The following MCTP1 variants were observed in gnomAD, a reference collection of about 807,000 sequenced individuals.
MCTP1 encodes multiple C2 and transmembrane domain-containing protein 1.
MCTP1 carries 69 observed loss-of-function variants against 120.6 expected under a neutral mutation model. That is an observed-to-expected ratio of 0.57 (90% CI 0.47 to 0.70). The LOEUF (loss-of-function observed/expected upper bound fraction) is 0.70, where lower values mean the gene tolerates loss of function less well. Among genes scored for constraint, MCTP1 ranks in the 30% least tolerant of loss-of-function variants. MCTP1 has a pLI of 0.00. For synonymous variants in MCTP1, 529 were observed against 493.1 expected (o/e 1.07, Z -0.96); for missense variants, 1,203 against 1,248.8 (o/e 0.96, Z 0.55).
intron 1 of MCTP1, among the ~76,000 whole-genome samples, chr5:95,059,752 AG>A (rs1445617391): frequency 1.8e-4 from 28 of 152,286 alleles, no homozygotes; most frequent in Admixed American, 5.2e-4. Context: ...GAAAATGTGC[AG>A]GGTGGTGACA....
At chr5:95,223,512 C>G (rs1048629249) in intron 1 of MCTP1, among the ~76,000 whole-genome samples, 1 of 152,058 alleles carries the variant, frequency 6.6e-6, no homozygotes, top group Non-Finnish European at 1.5e-5. Flanking sequence ...TCACACCCCT[C>G]TTTAAGGGGG....
rs112569958 is a variant in MCTP1, at chr5:94,929,378, C to A, written c.1212+2575G>T. 4.2e-3 allele frequency among the ~76,000 whole-genome samples: 633 copies of A among 152,108 alleles called. 2 individuals carry two copies. The highest frequency in any genetic ancestry group is 0.014 in the African/African-American group (598 of 41,492). ...AGACCTCATTCTGTAAATCAAGATT[C>A]CAAAGAAGAAAATGATCTGTGTTTT... On this transcript the variant is annotated intron_variant, in intron 6 of 22. Coordinates refer to ENST00000515393, the MANE Select transcript of MCTP1 (RefSeq NM_024717.7).
At chr5:95,133,132 A>T (rs1562169358) in intron 1 of MCTP1, among the ~76,000 whole-genome samples, 1 of 152,216 alleles carries the variant, frequency 6.6e-6, no homozygotes, top group Non-Finnish European at 1.5e-5. Flanking sequence ...TAAGCTTTTT[A>T]TGGGAGACAA....
chr5:95,040,091 T>A (rs901861251), intron 1 of MCTP1, among the ~76,000 whole-genome samples: 18 of 152,218 alleles, frequency 1.2e-4, no homozygotes, highest in Middle Eastern at 3.4e-3. Flanking sequence ...ATACAATTCA[T>A]CTTGGCATGT....
intron 2 of MCTP1, among the ~76,000 whole-genome samples, chr5:94,973,707 T>C (rs1246625855): frequency 6.6e-6 from 1 of 152,130 alleles, no homozygotes; most frequent in East Asian, 1.9e-4. Context: ...CAAATAAAAT[T>C]GCTTAATGGT....
intron 17 of MCTP1, among the ~76,000 whole-genome samples, chr5:94,839,739 T>C (rs575430175): frequency 5.3e-5 from 8 of 152,184 alleles, no homozygotes; most frequent in Middle Eastern, 6.3e-3. Flanking sequence ...GAAGCCTGGC[T>C]CTGGCACTTC....
At chr5:95,105,419 A>C (rs1392524011) in intron 1 of MCTP1, among the ~76,000 whole-genome samples, 1 of 152,000 alleles carries the variant, frequency 6.6e-6, no homozygotes, top group Admixed American at 6.6e-5. Context: ...ATTATTAGGG[A>C]CTCATTTATC....
At chr5:95,049,079 T>C (rs939373354) in intron 1 of MCTP1, among the ~76,000 whole-genome samples, 1 of 152,262 alleles carries the variant, frequency 6.6e-6, no homozygotes, top group Admixed American at 6.5e-5. Flanking sequence ...CTACTTTATT[T>C]AATGGCGTCA....
intron 17 of MCTP1, among the ~76,000 whole-genome samples, chr5:94,846,796 C>T (rs1792477952): frequency 1.4e-5 from 2 of 147,474 alleles, no homozygotes; most frequent in Admixed American, 1.4e-4. Context: ...TGTCTCCGTA[C>T]ATGTGTGTCT....
At chr5:95,246,626 T>C (rs1283431536) in intron 1 of MCTP1, among the ~76,000 whole-genome samples, 1 of 152,156 alleles carries the variant, frequency 6.6e-6, no homozygotes, top group African/African-American at 2.4e-5. Flanking sequence ...CCTAAATATA[T>C]ATGCACCCAA....
intron 1 of MCTP1, among the ~76,000 whole-genome samples, chr5:95,257,444 A>T (rs464242): frequency 0.85 from 129,619 of 152,198 alleles, 55,371 homozygotes; most frequent in African/African-American, 0.92. Context: ...AACTATTTTT[A>T]AAAAATCCCA....
chr5:95,050,448 G>A (rs575257333), intron 1 of MCTP1, among the ~76,000 whole-genome samples: 3 of 152,242 alleles, frequency 2.0e-5, no homozygotes, highest in Admixed American at 6.5e-5. Context: ...TGGGGCTGTG[G>A]GGATGAGAGT....
chr5:95,110,755 C>A (rs1008063030), intron 1 of MCTP1, among the ~76,000 whole-genome samples: 1 of 152,136 alleles, frequency 6.6e-6, no homozygotes, highest in Non-Finnish European at 1.5e-5. Flanking sequence ...GGCTAGGCTA[C>A]ACCAAGTGCA....
Position 94,905,516 on chromosome 5 carries a change from T to C in MCTP1, c.1652+3735A>G, listed in dbSNP as rs977753558. Among the ~76,000 whole-genome samples the C allele has an allele frequency of 3.3e-5, 5 of 152,304 alleles. No individual in the cohort carries two copies. In the East Asian group the frequency reaches 7.7e-4, roughly 23 times the overall value. On this transcript the variant is annotated intron_variant, in intron 10 of 22. Transcript: ENST00000515393. The stretch of plus-strand genomic sequence containing the variant: ...AAGCTGATGGTGGCTTTGACCACAA[T>C]GATAATGATAGAGATGATGAGCGGT...
At chr5:94,787,621 T>G (rs1024599626) in intron 18 of MCTP1, among the ~76,000 whole-genome samples, 11 of 147,512 alleles carry the variant, frequency 7.5e-5, no homozygotes, top group African/African-American at 2.9e-4. Context: ...TGTTTTTTTT[T>G]GTTTTTTTTT....
At chr5:95,185,210 A>G (rs1191666024) in intron 1 of MCTP1, among the ~76,000 whole-genome samples, 2 of 151,818 alleles carry the variant, frequency 1.3e-5, no homozygotes, top group African/African-American at 4.8e-5. Flanking sequence ...CTAGTATTGT[A>G]ATGATACCAA....
chr5:95,092,574 G>C (rs192890851), intron 1 of MCTP1, among the ~76,000 whole-genome samples: 9 of 152,226 alleles, frequency 5.9e-5, no homozygotes, highest in Non-Finnish European at 8.8e-5. Flanking sequence ...TGACGGATAT[G>C]TTAATTGCCC....
chr5:94,941,739 T>C (rs975660050), intron 4 of MCTP1, among the ~76,000 whole-genome samples: 1 of 152,012 alleles, frequency 6.6e-6, no homozygotes, highest in Non-Finnish European at 1.5e-5. Flanking sequence ...AAATTCACTT[T>C]GAAAAATATA....
At chr5:94,939,406 A>C (rs908618684) in intron 5 of MCTP1, among the ~76,000 whole-genome samples, 1 of 152,006 alleles carries the variant, frequency 6.6e-6, no homozygotes, top group Non-Finnish European at 1.5e-5. Context: ...AGTCCAATAA[A>C]TAATCTCTGG....
Sources: gnomAD v4.1 joint callset for allele counts (sites outside exome capture counted in the v4.1 genomes callset) on GRCh38, gnomAD v4.1.1 for gene constraint, MANE v1.5 for transcripts, NCBI Gene and HGNC (gene_info 2026-07-23, HGNC 2026-07-21) for gene names.